Variants in CHP1 observed in about 807,000 individuals in gnomAD.
CHP1 encodes calcineurin B homologous protein 1.
In CHP1, 11 loss-of-function variants were observed where a neutral mutation model predicts 27.4. That is an observed-to-expected ratio of 0.40 (90% CI 0.25 to 0.67). CHP1 has a LOEUF of 0.67. Ranked by LOEUF, CHP1 falls within the 30% of genes least tolerant of loss-of-function variation. The pLI, the probability that CHP1 is intolerant of heterozygous loss-of-function variation, is 0.38. For synonymous variants in CHP1, 89 were observed against 87.4 expected (o/e 1.02, Z -0.10); for missense variants, 169 against 251.3 (o/e 0.67, Z 2.22).
intron 5 of CHP1, among the ~76,000 whole-genome samples, chr15:41,276,240 C>A (rs1215692732): frequency 1.1e-3 from 134 of 125,926 alleles, no homozygotes; most frequent in South Asian, 1.3e-3. Flanking sequence ...GACTCCATCT[C>A]AAAAAAAAAA....
chr15:41,264,570 C>T (rs1413346477), intron 4 of CHP1, among the ~76,000 whole-genome samples: 1 of 152,134 alleles, frequency 6.6e-6, no homozygotes, highest in Non-Finnish European at 1.5e-5. Flanking sequence ...TCTCAAGTTG[C>T]TGGGACCACA....
chr15:41,275,953 AT>A (rs1219647023), intron 5 of CHP1, among the ~76,000 whole-genome samples: 3 of 152,116 alleles, frequency 2.0e-5, no homozygotes, highest in Non-Finnish European at 4.4e-5. Context: ...TAAAAAGTAA[AT>A]TACAGGCCGG....
intron 1 of CHP1, among the ~76,000 whole-genome samples, chr15:41,243,298 C>T (rs924536317): frequency 5.3e-5 from 8 of 152,178 alleles, no homozygotes; most frequent in Non-Finnish European, 8.8e-5. Context: ...TGAGATCGTG[C>T]CACTGCACTC....
intron 1 of CHP1, among the ~76,000 whole-genome samples, chr15:41,241,354 A>G (rs2047306137): frequency 6.6e-6 from 1 of 152,230 alleles, no homozygotes; most frequent in Non-Finnish European, 1.5e-5. Flanking sequence ...TCAGGATGTA[A>G]GCATGATGCT....
intron 2 of CHP1, among the ~76,000 whole-genome samples, chr15:41,256,068 T>G (rs2140933439): frequency 6.6e-6 from 1 of 152,244 alleles, no homozygotes; most frequent in Middle Eastern, 3.4e-3. Flanking sequence ...AAAGAACACA[T>G]ACTTTGACTT....
intron 1 of CHP1, among the ~76,000 whole-genome samples, chr15:41,240,599 C>T (rs941165655): frequency 6.6e-6 from 1 of 151,730 alleles, no homozygotes; most frequent in Non-Finnish European, 1.5e-5. Context: ...ACTAAAAATA[C>T]AAAATTAGCT....
intron 2 of CHP1, among the ~76,000 whole-genome samples, chr15:41,252,643 AG>A (rs772111091): frequency 2.6e-5 from 4 of 152,244 alleles, no homozygotes; most frequent in Non-Finnish European, 5.9e-5. Context: ...AGTGAAGGTG[AG>A]CAGTATAGAG....
intron 3 of CHP1, among the ~76,000 whole-genome samples, chr15:41,260,154 G>A (rs910922095): frequency 6.6e-6 from 1 of 151,824 alleles, no homozygotes; most frequent in African/African-American, 2.4e-5. Context: ...ATTCGGTGGG[G>A]CACAGAAAGG....
rs1297946603 is a variant in CHP1 at position 41,240,237 on chromosome 15, T to C, written c.68-3430T>C. The stretch of plus-strand genomic sequence containing the variant: ...TTGAACTCCTGGCCTCAAATCATTG[T>C]CCTGCTTCTGCCTCTGGAAGTGCTG... On this transcript the variant is annotated intron_variant, in intron 1 of 6. Coordinates refer to ENST00000334660, the MANE Select transcript of CHP1 (RefSeq NM_007236.5). 2.8e-4 allele frequency among the ~76,000 whole-genome samples: 43 copies of C among 152,176 alleles called. 1 individual carries two copies. The highest frequency in any genetic ancestry group is 2.9e-5 in the Non-Finnish European group (2 of 68,030).
At chr15:41,247,014 CA>C (rs528644397) in intron 2 of CHP1, among the ~76,000 whole-genome samples, 46,777 of 123,848 alleles carry the variant, frequency 0.38, 7,580 homozygotes, top group African/African-American at 0.45. Flanking sequence ...GACTCTGTCT[CA>C]AAAAAAAAAA....
At chr15:41,268,546 G>C (rs2047473241) in intron 4 of CHP1, among the ~76,000 whole-genome samples, 1 of 151,912 alleles carries the variant, frequency 6.6e-6, no homozygotes. Context: ...TCGGGAGTCT[G>C]AGGCAGAATT....
At chr15:41,269,588 T>C (rs1349548834) in intron 4 of CHP1, among the ~76,000 whole-genome samples, 2 of 152,204 alleles carry the variant, frequency 1.3e-5, no homozygotes, top group East Asian at 3.9e-4. Context: ...TCCCCCAGCA[T>C]TTTGGATATG....
In CHP1 at chr15:41,281,772, T is replaced by C. The variant is rs1484070872; in HGVS notation, c.*2383T>C. On this transcript the variant is annotated 3_prime_UTR_variant, in exon 7 of 7. Coordinates refer to ENST00000334660, the MANE Select transcript of CHP1 (RefSeq NM_007236.5). Reference sequence around the variant, plus strand: ...GATTGGCATAAAGTTCCTAAGGTTATAGATTTTCCCCCCTTTTGGCTGTAT... The same window carrying C: ...GATTGGCATAAAGTTCCTAAGGTTACAGATTTTCCCCCCTTTTGGCTGTAT... 6.6e-6 allele frequency: 1 copy of C among 152,668 alleles called. No homozygotes were observed. Among genetic ancestry groups the C allele is most frequent in the East Asian group, 1.9e-4 (1 of 5,206 alleles). 9.5% of individuals were successfully genotyped at this position (152,668 alleles called of 1,614,324 possible). A position where few individuals can be genotyped will look rare whatever the true frequency, so the allele number is the denominator to read the frequency against.
intron 2 of CHP1, among the ~76,000 whole-genome samples, chr15:41,246,614 G>A (rs892602118): frequency 4.2e-5 from 6 of 143,964 alleles, no homozygotes; most frequent in African/African-American, 1.5e-4. Context: ...CACCGTGCCT[G>A]GCCAAAAAGC....
Position 41,236,003 on chromosome 15 carries a change from C to T in CHP1, c.67+4554C>T, listed in dbSNP as rs116283290. Among the ~76,000 whole-genome samples, 147 of 151,808 alleles carry T rather than the reference C, an allele frequency of 9.7e-4. 1 individual carries two copies. The highest frequency in any genetic ancestry group is 3.5e-3 in the African/African-American group (143 of 41,396). On this transcript the variant is annotated intron_variant, in intron 1 of 6. Transcript: ENST00000334660. ...GAGTTCTAGTGCAAAGTTTTATTCT[C>T]ATTTGTTGCCATAAAGGAGTAAGAA...
intron 1 of CHP1, among the ~76,000 whole-genome samples, chr15:41,239,814 T>C (rs904492685): frequency 6.6e-6 from 1 of 151,944 alleles, no homozygotes; most frequent in African/African-American, 2.4e-5. Flanking sequence ...CTCCTCTCTG[T>C]CACCCAGGCT....
In CHP1 at chr15:41,243,735, C is replaced by T. The variant is rs1207602088; in HGVS notation, c.136C>T (p.Leu46Phe). ...CCTGGACAAAGGAGAGAATGGGACT[C>T]TCAGGTAGGCAGTGTTTTTCTTTAT... Reference protein sequence around the residue: ...TSLDKGENGTLSREDFQRIPE... With the variant: ...TSLDKGENGTFSREDFQRIPE... Residue 46 changes from leucine (L) to phenylalanine (F), a missense_variant, in exon 2 of 7, where the codon CTC (leucine) becomes TTC (phenylalanine). Coordinates refer to ENST00000334660, the MANE Select transcript of CHP1 (RefSeq NM_007236.5). The T allele has an allele frequency of 1.9e-6, 3 of 1,613,912 alleles. No homozygotes were observed. Among genetic ancestry groups the T allele is most frequent in the South Asian group, 1.1e-5 (1 of 91,062 alleles).
At chr15:41,272,306 C>G (rs1342595592) in intron 5 of CHP1, 2 of 151,936 alleles carry the variant, frequency 1.3e-5, no homozygotes, top group Non-Finnish European at 2.9e-5. Flanking sequence ...CCCCAACTGT[C>G]CATTTTAAAT....
At chr15:41,257,629 G>A (rs376028954) in intron 3 of CHP1, among the ~76,000 whole-genome samples, 42 of 151,772 alleles carry the variant, frequency 2.8e-4, no homozygotes, top group African/African-American at 9.4e-4. Context: ...GTGCCATCTC[G>A]GCTCACTGCA....
Sources: allele counts gnomAD v4.1 joint callset (sites outside exome capture counted in the v4.1 genomes callset), GRCh38; gene constraint gnomAD v4.1.1; transcripts MANE v1.5; gene names NCBI Gene and HGNC (gene_info 2026-07-23, HGNC 2026-07-21).